SEC23A: variants seen among roughly 807,000 people sequenced by gnomAD.
SEC23A encodes protein transport protein Sec23A.
In SEC23A, 56 loss-of-function variants were observed where a neutral mutation model predicts 103.7. The ratio of observed to expected loss-of-function variants is 0.54; its 90% confidence interval spans 0.44 to 0.67. The LOEUF is 0.67. Among genes scored for constraint, SEC23A ranks in the 30% least tolerant of loss-of-function variants. The pLI is 0.00. For missense variants in SEC23A, 784 were observed against 936.4 expected (o/e 0.84, Z 2.12); for synonymous variants, 281 against 293.0 (o/e 0.96, Z 0.42).
Position 39,033,149 on chromosome 14 carries a change from CTGT to C in SEC23A, c.*87_*89del. The C allele has an allele frequency of 1.1e-6, 1 of 915,660 alleles. No homozygotes were observed. The highest frequency in any genetic ancestry group is 1.8e-6 in the Non-Finnish European group (1 of 546,574). 56.7% of individuals were successfully genotyped at this position (915,660 alleles called of 1,614,324 possible). The stretch of plus-strand genomic sequence containing the variant: ...TAATACAAAAAATATAGAGCAATAT[CTGT>C]TGGTTTCCACAGATAAATGGAAAAA... On this transcript the variant is annotated 3_prime_UTR_variant, in exon 20 of 20. Coordinates refer to ENST00000307712, the MANE Select transcript of SEC23A (RefSeq NM_006364.4).
At chr14:39,068,989 T>C (rs1886759683) in intron 9 of SEC23A, among the ~76,000 whole-genome samples, 1 of 152,200 alleles carries the variant, frequency 6.6e-6, no homozygotes, top group South Asian at 2.1e-4. Context: ...CACATATTAA[T>C]ACCAATAGTT....
At chr14:39,078,172 T>C (rs1335997482) in intron 7 of SEC23A, among the ~76,000 whole-genome samples, 1 of 151,940 alleles carries the variant, frequency 6.6e-6, no homozygotes, top group Non-Finnish European at 1.5e-5. Flanking sequence ...GGAGGATTGG[T>C]TGAGCCCAGG....
Position 39,032,948 on chromosome 14 carries a change from T to C in SEC23A, c.*291A>G, listed in dbSNP as rs1256528990. On this transcript the variant is annotated 3_prime_UTR_variant, in exon 20 of 20. Coordinates refer to ENST00000307712, the MANE Select transcript of SEC23A (RefSeq NM_006364.4). ...GCAATATACAAATGAGTTACATCTG[T>C]AGTACGAGGCAGACTCTATTTTTTA... 2 of 314,748 alleles carry C rather than the reference T, an allele frequency of 6.4e-6. No homozygotes were observed. Among genetic ancestry groups the C allele is most frequent in the Non-Finnish European group, 1.2e-5 (2 of 167,170 alleles). The allele number at this position is 314,748 out of a possible 1,614,324, so 19.5% of individuals were successfully genotyped here.
At chr14:39,048,629 A>G in intron 15 of SEC23A, 23 bp downstream of exon 15, 1 of 1,456,428 alleles carries the variant, frequency 6.9e-7, no homozygotes, top group South Asian at 1.1e-5. Context: ...AAAGAAAAGA[A>G]TATGGACCTT....
chr14:39,088,728 G>A (rs1351675729), intron 5 of SEC23A: 1 of 150,990 alleles, frequency 6.6e-6, no homozygotes, highest in African/African-American at 2.4e-5. Context: ...GCGAGACTCT[G>A]TCTCAGACAA....
chr14:39,098,159 A>T (rs940497490), intron 1 of SEC23A, among the ~76,000 whole-genome samples: 3 of 152,104 alleles, frequency 2.0e-5, no homozygotes, highest in Non-Finnish European at 4.4e-5. Flanking sequence ...ATGAGCTTTC[A>T]AGGAAAAGTG....
chr14:39,049,430 C>T (rs997622283), intron 14 of SEC23A, among the ~76,000 whole-genome samples: 1 of 150,976 alleles, frequency 6.6e-6, no homozygotes, highest in Non-Finnish European at 1.5e-5. Flanking sequence ...GAGCTGAGAT[C>T]GTGCCACTGG....
chr14:39,097,656 A>G lies in SEC23A; in HGVS notation c.-21-1517T>C, dbSNP rs530875377. Among the ~76,000 whole-genome samples the G allele has an allele frequency of 6.5e-4, 99 of 152,338 alleles. 1 individual carries two copies. Among genetic ancestry groups the G allele is most frequent in the African/African-American group, 2.2e-3 (93 of 41,582 alleles). On this transcript the variant is annotated intron_variant, in intron 1 of 19. Transcript: ENST00000307712. ...TTAAATAAGAAAATAAAAATTAAAGAAAACACTGTATTTCCTCCAATTGTG... is the reference window on the plus strand; with the variant it reads ...TTAAATAAGAAAATAAAAATTAAAGGAAACACTGTATTTCCTCCAATTGTG...
intron 14 of SEC23A, among the ~76,000 whole-genome samples, chr14:39,050,478 G>A (rs1189822602): frequency 6.6e-6 from 1 of 152,144 alleles, no homozygotes; most frequent in Non-Finnish European, 1.5e-5. Context: ...TGGCTTGCAG[G>A]GAAAGTCCCA....
intron 15 of SEC23A, among the ~76,000 whole-genome samples, chr14:39,046,623 T>C (rs1031541040): frequency 6.6e-6 from 1 of 152,164 alleles, no homozygotes; most frequent in African/African-American, 2.4e-5. Context: ...ACCACATATA[T>C]ACCCATATAA....
At chr14:39,085,727 C>CTT (rs1887419537) in intron 7 of SEC23A, 35 bp downstream of exon 7, 1 of 1,605,422 alleles carries the variant, frequency 6.2e-7, no homozygotes, top group East Asian at 2.2e-5. Flanking sequence ...CACACACACA[C>CTT]ACTTTACATT....
intron 10 of SEC23A, among the ~76,000 whole-genome samples, chr14:39,066,306 G>A (rs1886665283): frequency 1.3e-5 from 2 of 151,942 alleles, no homozygotes; most frequent in Non-Finnish European, 2.9e-5. Context: ...AATATTTAAT[G>A]AAAATTCAAA....
At chr14:39,070,214 G>A (rs1886799276) in intron 9 of SEC23A, among the ~76,000 whole-genome samples, 1 of 152,212 alleles carries the variant, frequency 6.6e-6, no homozygotes, top group African/African-American at 2.4e-5. Flanking sequence ...AGTGCCTTGA[G>A]CAGTTGGCTA....
In SEC23A at chr14:39,091,583, A is replaced by C; in HGVS notation, c.497T>G (p.Leu166Arg). ...SLLPPTALVG[L>R]ITFGRMVQVH... ...CTGAACCATTCTCCCAAAAGTAATA[A>C]GTCCAACCAAAGCTGTAGGTGGTAA... Residue 166 changes from leucine to arginine, a missense_variant, in exon 5 of 20, where the codon CTT becomes CGT. By Grantham distance (102) the Leu-to-Arg change is moderately radical. This residue lies in a region of SEC23A where 683 missense variants were observed against 774.2 expected (regional missense o/e 0.88). Coordinates refer to ENST00000307712, the MANE Select transcript of SEC23A (RefSeq NM_006364.4). 6.2e-7 allele frequency: 1 copy of C among 1,614,064 alleles called. No homozygotes were observed. Among genetic ancestry groups the C allele is most frequent in the Non-Finnish European group, 8.5e-7 (1 of 1,179,974 alleles).
At chr14:39,090,910 G>T in intron 5 of SEC23A, 1 of 298,984 alleles carries the variant, frequency 3.3e-6, no homozygotes, top group South Asian at 3.1e-5. Context: ...CAAAGGACTG[G>T]CCAATGTCAA....
chr14:39,090,374 T>G lies in SEC23A; in HGVS notation c.603+1103A>C, dbSNP rs528826635. ...TCCCCCAATACAAACAGACATTCAC[T>G]TATTACTCTCTTATGGACTATCAAA... On this transcript the variant is annotated intron_variant, in intron 5 of 19. Coordinates refer to ENST00000307712, the MANE Select transcript of SEC23A (RefSeq NM_006364.4). Among the ~76,000 whole-genome samples, 3 of 152,220 alleles carry G rather than the reference T, an allele frequency of 2.0e-5. 1 individual carries two copies. The South Asian group carries it at 6.2e-4, about 32-fold the overall frequency.
chr14:39,074,329 T>C (rs1042842844), intron 9 of SEC23A, 86 bp downstream of exon 9: 1 of 876,456 alleles, frequency 1.1e-6, no homozygotes, highest in Non-Finnish European at 1.9e-6. Context: ...GATGACACTT[T>C]TCCCTAAATG....
At chr14:39,042,756 G>A in intron 17 of SEC23A, 30 bp downstream of exon 17, 1 of 1,367,150 alleles carries the variant, frequency 7.3e-7, no homozygotes, top group Non-Finnish European at 1.0e-6. Flanking sequence ...GACTTTACAT[G>A]CATAGCTTTA....
rs1566491619 is a variant in SEC23A at position 39,059,308 on chromosome 14, AAAC to A, written c.1505+2454_1505+2456del. Among the ~76,000 whole-genome samples, 109 of 107,560 alleles carry A rather than the reference AAAC, an allele frequency of 1.0e-3. 4 individuals are homozygous for A. The highest frequency in any genetic ancestry group is 1.5e-3 in the African/African-American group (42 of 28,290). The allele number at this position is 107,560 out of a possible 152,430, so 70.6% of individuals were successfully genotyped here. The stretch of plus-strand genomic sequence containing the variant: ...AAAAAAAAAAAAAAAAAAAAAAAAA[AAAC>A]AACAAGGTGCTCTGATCATTGGAAA... On this transcript the variant is annotated intron_variant, in intron 13 of 19. Transcript: ENST00000307712.
Sources: gnomAD v4.1 joint callset for allele counts (sites outside exome capture counted in the v4.1 genomes callset) on GRCh38, gnomAD v4.1.1 for gene constraint, gnomAD v4.1.1 regional missense constraint, MANE v1.5 for transcripts, NCBI Gene and HGNC (gene_info 2026-07-23, HGNC 2026-07-21) for gene names.